Variants in PLAGL2 observed in about 807,000 individuals in gnomAD.
The protein encoded by PLAGL2 is zinc finger protein PLAGL2.
PLAGL2 carries 7 observed loss-of-function variants against 29.0 expected under a neutral mutation model. The ratio of observed to expected loss-of-function variants is 0.24; its 90% CI spans 0.14 to 0.45. The LOEUF is 0.45. Ranked by LOEUF, PLAGL2 falls within the 20% of genes least tolerant of loss-of-function variation. The pLI is 0.99. For synonymous variants in PLAGL2, 234 were observed against 266.0 expected, an observed-to-expected ratio of 0.88 and a Z score of 1.17; for missense variants, 454 against 648.2, an observed-to-expected ratio of 0.70 and a Z score of 3.25.
intron 2 of PLAGL2, among the ~76,000 whole-genome samples, chr20:32,200,260 C>T (rs562702367): frequency 2.2e-4 from 34 of 152,258 alleles, no homozygotes; most frequent in African/African-American, 6.7e-4. Context: ...TTTTTTGAGA[C>T]GGAGTCTCGC....
At chr20:32,200,900 T>C (rs2122541632) in intron 2 of PLAGL2, among the ~76,000 whole-genome samples, 1 of 152,322 alleles carries the variant, frequency 6.6e-6, no homozygotes. Context: ...GGCCCAAAAT[T>C]GCTTTTGACC....
intron 1 of PLAGL2, among the ~76,000 whole-genome samples, chr20:32,206,045 G>A (rs2047284923): frequency 1.3e-5 from 2 of 152,192 alleles, no homozygotes; most frequent in Admixed American, 1.3e-4. Context: ...GGAGGAAATA[G>A]ACCCAGAACG....
At position 32,197,515 on chromosome 20, in the gene PLAGL2, C is replaced by A; in HGVS notation, c.428G>T (p.Arg143Leu). ...GKNYNTKLGY[R>L]RHLAMHAASS... is the part of the protein sequence containing the mutation. ...GGCAGCATGCATGGCCAGGTGGCGCCGGTAGCCCAGCTTCGTATTGTAATT... is the reference window on the plus strand; with the variant it reads ...GGCAGCATGCATGGCCAGGTGGCGCAGGTAGCCCAGCTTCGTATTGTAATT... Residue 143 changes from arginine to leucine, a missense_variant, in exon 3 of 3, where the codon CGG becomes CTG. By Grantham distance (102) the Arg-to-Leu change is moderately radical (BLOSUM62 -2). Coordinates refer to ENST00000246229, the MANE Select transcript of PLAGL2 (RefSeq NM_002657.3). This position sits in a 1 kb window ranked among gnomAD's most constrained non-coding sequence, Gnocchi z 6.6. The A allele has an allele frequency of 6.2e-7, 1 of 1,614,138 alleles. No individual in the cohort carries two copies.
Position 32,196,719 on chromosome 20 carries a change from G to A in PLAGL2, c.1224C>T (p.Cys408=), listed in dbSNP as rs760269614. The A allele has an allele frequency of 1.1e-5, 17 of 1,578,816 alleles. No homozygotes were observed. The highest frequency in any genetic ancestry group is 5.2e-5 in the Admixed American group (3 of 57,228). The change falls in exon 3 of 3, where the codon TGC becomes TGT. Residue 408 remains cysteine (C), a synonymous_variant. Coordinates refer to ENST00000246229, the MANE Select transcript of PLAGL2 (RefSeq NM_002657.3). ...KSPANLSEAL[C]AANVDFSHLL... Reference sequence around the variant, plus strand: ...GGTGGGAGAAGTCCACATTAGCAGCGCAGAGGGCCTCAGAGAGGTTGGCGG... The same window carrying A: ...GGTGGGAGAAGTCCACATTAGCAGCACAGAGGGCCTCAGAGAGGTTGGCGG...
intron 1 of PLAGL2, 120 bp from the exon 2 acceptor site, chr20:32,202,412 C>A: frequency 3.6e-6 from 2 of 558,506 alleles, no homozygotes; most frequent in Non-Finnish European, 3.2e-6. Flanking sequence ...GACTTTCAGC[C>A]AATTACTTAC....
At chr20:32,201,893 G>A (rs748330534) in intron 2 of PLAGL2, 26 bp downstream of exon 2, 4 of 1,596,002 alleles carry the variant, frequency 2.5e-6, no homozygotes, top group Non-Finnish European at 3.4e-6. Flanking sequence ...CCTCAGGGCA[G>A]GAAGAGATAT....
At chr20:32,203,591 T>G (rs2047270670) in intron 1 of PLAGL2, among the ~76,000 whole-genome samples, 1 of 152,088 alleles carries the variant, frequency 6.6e-6, no homozygotes, top group Non-Finnish European at 1.5e-5. Context: ...AAAGGGGGTG[T>G]CTGGGGATTA....
chr20:32,204,882 A>T (rs2047278134), intron 1 of PLAGL2, among the ~76,000 whole-genome samples: 1 of 152,242 alleles, frequency 6.6e-6, no homozygotes, highest in African/African-American at 2.4e-5. Context: ...ACCTGTTTCC[A>T]TAAAACAAAC....
chr20:32,204,216 G>A (rs1172115222), intron 1 of PLAGL2, among the ~76,000 whole-genome samples: 1 of 152,126 alleles, frequency 6.6e-6, no homozygotes, highest in Non-Finnish European at 1.5e-5. Flanking sequence ...CTCAGCCTCT[G>A]GAAAGTTGGG....
At position 32,197,254 on chromosome 20, in the gene PLAGL2, C is replaced by T. The variant is rs1185167674; in HGVS notation, c.689G>A (p.Arg230His). The change falls in exon 3 of 3, where the codon CGT becomes CAT. Residue 230 changes from arginine to histidine, a missense_variant. Around this residue, in one of 4 missense-constraint regions of PLAGL2, gnomAD observed 247 missense variants for 350.3 expected, o/e 0.71. Transcript: ENST00000246229. The surrounding 1 kb of genome is among the most constrained non-coding windows in gnomAD (Gnocchi z 6.6). ...LCQYCAQRFG[R>H]KDHLTRHVKK... The stretch of plus-strand genomic sequence containing the variant: ...GACATGACGCGTCAGGTGGTCCTTA[C>T]GGCCAAACCGCTGGGCACAGTACTG... 2 of 1,613,888 alleles carry T rather than the reference C, an allele frequency of 1.2e-6. No individual in the cohort carries two copies. Among genetic ancestry groups the T allele is most frequent in the Non-Finnish European group, 1.7e-6 (2 of 1,179,878 alleles).
At position 32,197,689 on chromosome 20, in the gene PLAGL2, G is replaced by T. The variant is rs1418023846; in HGVS notation, c.261-7C>A. 1 of 1,611,306 alleles carries T rather than the reference G, an allele frequency of 6.2e-7. No individual in the cohort carries two copies. Among genetic ancestry groups the T allele is most frequent in the Admixed American group, 1.7e-5 (1 of 59,952 alleles). On this transcript the variant is annotated splice_region_variant and splice_polypyrimidine_tract_variant and intron_variant, in intron 2 of 2. Coordinates refer to ENST00000246229, the MANE Select transcript of PLAGL2 (RefSeq NM_002657.3). The surrounding 1 kb of genome is among the most constrained non-coding windows in gnomAD (Gnocchi z 6.6). ...TGAGTGGGTGGCCATGTGCCTGGGGGTAGAGACAGGGGATAGGGGAGAAAG... is the reference window on the plus strand; with the variant it reads ...TGAGTGGGTGGCCATGTGCCTGGGGTTAGAGACAGGGGATAGGGGAGAAAG...
rs2047227503 is a variant in PLAGL2, at chr20:32,196,309, A to C, written c.*143T>G. 1 of 498,712 alleles carries C rather than the reference A, an allele frequency of 2.0e-6. No individual in the cohort carries two copies. Among genetic ancestry groups the C allele is most frequent in the Admixed American group, 3.9e-5 (1 of 25,832 alleles). 30.9% of individuals were successfully genotyped at this position (498,712 alleles called of 1,614,324 possible). On this transcript the variant is annotated 3_prime_UTR_variant, in exon 3 of 3. Coordinates refer to ENST00000246229, the MANE Select transcript of PLAGL2 (RefSeq NM_002657.3). ...ATCCTAGAGCCTGAACCCCCAAACC[A>C]AGTGCTCCTGTATACAGACACTGGA...
In PLAGL2 at chr20:32,196,990, G is replaced by A. The variant is rs375301403; in HGVS notation, c.953C>T (p.Thr318Met). The A allele has an allele frequency of 9.9e-6, 16 of 1,614,082 alleles. No homozygotes were observed. The highest frequency in any genetic ancestry group is 6.7e-5 in the African/African-American group (5 of 74,946). Reference protein sequence around the residue: ...TGVPHSLVHNTLPMGMSYPLE... With the variant: ...TGVPHSLVHNMLPMGMSYPLE... ...AGGGTAGCTCATACCCATGGGCAGC[G>A]TGTTGTGCACCAGGGAGTGTGGCAC... Residue 318 changes from threonine (T) to methionine (M), a missense_variant, in exon 3 of 3, where the codon ACG becomes ATG. Physicochemically the swap from Thr to Met is moderately conservative, Grantham distance 81. Coordinates refer to ENST00000246229, the MANE Select transcript of PLAGL2 (RefSeq NM_002657.3).
chr20:32,202,026 A>T lies in PLAGL2; in HGVS notation c.153T>A (p.Asn51Lys), dbSNP rs754177728. Residue 51 changes from asparagine to lysine, a missense_variant, in exon 2 of 3, where the codon AAT (asparagine) becomes AAA (lysine). Physicochemically the swap from Asn to Lys is moderately conservative, Grantham distance 94. Coordinates refer to ENST00000246229, the MANE Select transcript of PLAGL2 (RefSeq NM_002657.3). ...GGCTGTGAGGCCTCAGCTTCTCCCCATTTGAGAAAGGTGTTCCCGAAATTT... is the reference window on the plus strand; with the variant it reads ...GGCTGTGAGGCCTCAGCTTCTCCCCTTTTGAGAAAGGTGTTCCCGAAATTT... Reference protein sequence around the residue: ...QCEISGTPFSNGEKLRPHSLP... With the variant: ...QCEISGTPFSKGEKLRPHSLP... The T allele has an allele frequency of 4.3e-6, 7 of 1,614,094 alleles. No homozygotes were observed. In the Admixed American group the frequency reaches 1.2e-4, roughly 27 times the overall value.
At chr20:32,206,551 C>G (rs1445472954) in intron 1 of PLAGL2, among the ~76,000 whole-genome samples, 1 of 152,226 alleles carries the variant, frequency 6.6e-6, no homozygotes, top group Admixed American at 6.5e-5. Flanking sequence ...CGCTCCCAAT[C>G]TGGTGGCCTC....
At chr20:32,198,879 G>A (rs2047243864) in intron 2 of PLAGL2, among the ~76,000 whole-genome samples, 1 of 152,196 alleles carries the variant, frequency 6.6e-6, no homozygotes, top group African/African-American at 2.4e-5. Flanking sequence ...ATGCCAGTAT[G>A]TACCACTTGA....
At chr20:32,206,982 C>A (rs1407013) in intron 1 of PLAGL2, among the ~76,000 whole-genome samples, 1 of 151,794 alleles carries the variant, frequency 6.6e-6, no homozygotes, top group Non-Finnish European at 1.5e-5. Context: ...ATTATAAGGG[C>A]TGGAAGGCTG....
intron 1 of PLAGL2, among the ~76,000 whole-genome samples, chr20:32,203,304 C>T (rs2047268972): frequency 6.6e-6 from 1 of 152,178 alleles, no homozygotes; most frequent in Admixed American, 6.5e-5. Context: ...CGCAGCCATT[C>T]CCAAGTGGGG....
chr20:32,206,555 T>A (rs2047288672), intron 1 of PLAGL2, among the ~76,000 whole-genome samples: 1 of 152,168 alleles, frequency 6.6e-6, no homozygotes, highest in Non-Finnish European at 1.5e-5. Context: ...CCCAATCTGG[T>A]GGCCTCACCT....
Sources: gnomAD v4.1 joint callset for allele counts (sites outside exome capture counted in the v4.1 genomes callset) on GRCh38, gnomAD v4.1.1 for gene constraint, gnomAD v4.1.1 regional missense constraint, Gnocchi (gnomAD v3.1) non-coding constraint, MANE v1.5 for transcripts, NCBI Gene and HGNC (gene_info 2026-07-23, HGNC 2026-07-21) for gene names.